Variants in FMN1 observed in about 807,000 individuals in gnomAD.
The protein encoded by FMN1 is formin 1.
FMN1 carries 110 observed loss-of-function variants against 132.4 expected under a neutral mutation model. That is an observed-to-expected ratio of 0.83 (90% CI 0.71 to 0.97). FMN1 has a LOEUF of 0.97. FMN1 is among the 50% of genes least tolerant of loss of function. The probability of loss-of-function intolerance (pLI) is 0.00; values close to 1 mark genes in which losing one functional copy is unlikely to be tolerated. For synonymous variants in FMN1, 722 were observed against 651.7 expected (o/e 1.11, Z -1.64); for missense variants, 1,792 against 1,705.3 (o/e 1.05, Z -0.90).
intron 4 of FMN1, among the ~76,000 whole-genome samples, chr15:33,095,356 A>G (rs2039044290): frequency 6.6e-6 from 1 of 152,184 alleles, no homozygotes; most frequent in Non-Finnish European, 1.5e-5. Flanking sequence ...AAAAAAAACA[A>G]AAAGAAAAAA....
intron 6 of FMN1, among the ~76,000 whole-genome samples, chr15:33,014,041 C>T (rs939393240): frequency 5.9e-5 from 9 of 152,156 alleles, no homozygotes; most frequent in Non-Finnish European, 1.0e-4. Flanking sequence ...AATATTTTTA[C>T]CAAGAGTCCC....
intron 7 of FMN1, among the ~76,000 whole-genome samples, chr15:32,985,381 C>G (rs1158945505): frequency 1.3e-5 from 2 of 152,104 alleles, no homozygotes; most frequent in African/African-American, 4.8e-5. Context: ...TTAAATATGT[C>G]AACTTTATGG....
chr15:33,124,340 T>C (rs947409404), intron 4 of FMN1, among the ~76,000 whole-genome samples: 4 of 152,238 alleles, frequency 2.6e-5, no homozygotes, highest in Non-Finnish European at 5.9e-5. Flanking sequence ...GCTGTGCTGT[T>C]ATAGCCTCTC....
At chr15:32,800,334 C>T (rs2057435661) in intron 18 of FMN1, among the ~76,000 whole-genome samples, 2 of 152,122 alleles carry the variant, frequency 1.3e-5, no homozygotes, top group Non-Finnish European at 1.5e-5. Context: ...GCAATAACTG[C>T]AGTAATCTCT....
intron 4 of FMN1, among the ~76,000 whole-genome samples, chr15:33,097,317 AGAG>A (rs1483662459): frequency 3.4e-5 from 3 of 88,638 alleles, no homozygotes; most frequent in African/African-American, 2.2e-4. Flanking sequence ...AAAAAAAAAA[AGAG>A]AGAGAGAGAG....
At chr15:33,102,031 C>G (rs986807921) in intron 4 of FMN1, among the ~76,000 whole-genome samples, 7 of 152,120 alleles carry the variant, frequency 4.6e-5, no homozygotes, top group African/African-American at 1.7e-4. Context: ...ATTCCTCTAC[C>G]AAGTTTACTT....
chr15:32,998,351 TA>T (rs555774594), intron 7 of FMN1, among the ~76,000 whole-genome samples: 175 of 152,308 alleles, frequency 1.1e-3, no homozygotes, highest in Admixed American at 2.9e-3. Context: ...CTGATCTAGG[TA>T]ACATGGGAAA....
chr15:32,955,211 T>C (rs1301408544), intron 9 of FMN1, among the ~76,000 whole-genome samples: 3 of 152,182 alleles, frequency 2.0e-5, no homozygotes, highest in Non-Finnish European at 4.4e-5. Flanking sequence ...ACTAGTGATA[T>C]CTTTATTTTT....
intron 9 of FMN1, among the ~76,000 whole-genome samples, chr15:32,933,391 T>C (rs1567419231): frequency 6.6e-6 from 1 of 152,230 alleles, no homozygotes; most frequent in Non-Finnish European, 1.5e-5. Context: ...TTTTCTGACA[T>C]AACGTGTGAC....
Position 32,770,639 on chromosome 15 carries a change from G to C in FMN1, c.*3671C>G, listed in dbSNP as rs1488669869. 4 of 152,128 alleles carry C rather than the reference G, an allele frequency of 2.6e-5. No individual in the cohort carries two copies. Among genetic ancestry groups the C allele is most frequent in the African/African-American group, 9.7e-5 (4 of 41,416 alleles). 9.4% of individuals were successfully genotyped at this position (152,128 alleles called of 1,614,324 possible). On this transcript the variant is annotated 3_prime_UTR_variant, in exon 21 of 21. Transcript: ENST00000616417. ...AAACACCATTCTTCATGGTGCTTATGAAAACAGGAGGTGCCTGAAGGAGGC... is the reference window on the plus strand; with the variant it reads ...AAACACCATTCTTCATGGTGCTTATCAAAACAGGAGGTGCCTGAAGGAGGC...
At chr15:32,967,139 C>A (rs1329367573) in intron 8 of FMN1, among the ~76,000 whole-genome samples, 1 of 152,192 alleles carries the variant, frequency 6.6e-6, no homozygotes, top group African/African-American at 2.4e-5. Flanking sequence ...ACCAGTGAGA[C>A]CTTCAGTATT....
chr15:32,824,117 A>AC lies in FMN1; in HGVS notation c.3929-19786dup, dbSNP rs774291739. Among the ~76,000 whole-genome samples the AC allele has an allele frequency of 1.4e-4, 22 of 152,338 alleles. 1 individual carries two copies. Among genetic ancestry groups the AC allele is most frequent in the Middle Eastern group, 6.8e-3 (2 of 292 alleles). ...CCACCAGCAACAGATAGTGTAATGT[A>AC]CCCCCCGTGAGAGGGGAAAGGTGGG... On this transcript the variant is annotated intron_variant, in intron 17 of 20. Coordinates refer to ENST00000616417, the MANE Select transcript of FMN1 (RefSeq NM_001277313.2).
intron 4 of FMN1, among the ~76,000 whole-genome samples, chr15:33,096,023 T>C (rs2141389265): frequency 6.6e-6 from 1 of 151,408 alleles, no homozygotes; most frequent in South Asian, 2.1e-4. Context: ...AGAAGGCACA[T>C]TTACTATTAA....
chr15:32,996,862 C>A (rs2033801426), intron 7 of FMN1, among the ~76,000 whole-genome samples: 2 of 152,128 alleles, frequency 1.3e-5, no homozygotes, highest in African/African-American at 4.8e-5. Flanking sequence ...ATAGAGAACA[C>A]AGCTGAATCA....
At chr15:32,833,427 A>C (rs184861428) in intron 17 of FMN1, among the ~76,000 whole-genome samples, 3 of 152,228 alleles carry the variant, frequency 2.0e-5, no homozygotes, top group Non-Finnish European at 4.4e-5. Context: ...GCCAACTAGC[A>C]TCAAAACAGC....
At chr15:32,946,881 C>G (rs1335006493) in intron 9 of FMN1, among the ~76,000 whole-genome samples, 4 of 152,162 alleles carry the variant, frequency 2.6e-5, no homozygotes, top group Non-Finnish European at 5.9e-5. Context: ...ATTCCATCTA[C>G]TACAATCAGG....
At chr15:32,850,125 A>G (rs2058975387) in intron 17 of FMN1, among the ~76,000 whole-genome samples, 2 of 152,174 alleles carry the variant, frequency 1.3e-5, no homozygotes, top group South Asian at 4.1e-4. Context: ...GCTCAGGCAG[A>G]GTTCATGTTC....
At chr15:33,040,575 T>C (rs956555214) in intron 6 of FMN1, among the ~76,000 whole-genome samples, 10 of 152,232 alleles carry the variant, frequency 6.6e-5, no homozygotes, top group African/African-American at 2.4e-4. Flanking sequence ...ACTAATAATA[T>C]GCTAGGTATT....
intron 7 of FMN1, among the ~76,000 whole-genome samples, chr15:32,998,133 G>T (rs1006725975): frequency 1.3e-5 from 2 of 152,172 alleles, no homozygotes; most frequent in South Asian, 2.1e-4. Flanking sequence ...ATTATTCAAA[G>T]GAAGTTTTTA....
Sources: gnomAD v4.1 joint callset for allele counts (sites outside exome capture counted in the v4.1 genomes callset) on GRCh38, gnomAD v4.1.1 for gene constraint, MANE v1.5 for transcripts, NCBI Gene and HGNC (gene_info 2026-07-23, HGNC 2026-07-21) for gene names.